Variants in DMD observed in about 807,000 individuals in gnomAD.
DMD encodes the protein mutant dystrophin.
Under a neutral mutation model 330.1 loss-of-function variants are expected in DMD, and 63 were observed. The ratio of observed to expected loss-of-function variants is 0.19; its 90% CI spans 0.16 to 0.24. DMD has a LOEUF of 0.24. Among genes scored for constraint, DMD ranks in the 10% least tolerant of loss-of-function variants. DMD has a pLI of 1.00. For synonymous variants in DMD, 1,223 were observed against 959.8 expected (o/e 1.27, Z -5.07); for missense variants, 3,344 against 2,684.1 (o/e 1.25, Z -5.43).
chrX:32,144,567 C>T (rs141776646), intron 44 of DMD, among the ~76,000 whole-genome samples: 2,176 of 111,189 alleles, frequency 0.02, 28 homozygotes, highest in African/African-American at 0.054. Flanking sequence ...TTATTATGTC[C>T]TGTTAAAATA....
intron 43 of DMD, among the ~76,000 whole-genome samples, chrX:32,255,866 C>G (rs774232099): frequency 7.4e-4 from 83 of 111,734 alleles, no homozygotes; most frequent in African/African-American, 2.7e-3. Context: ...ATGCTTTCTT[C>G]TTTTATTGAA....
chrX:32,862,678 T>A (rs1569536040), intron 2 of DMD, among the ~76,000 whole-genome samples: 1 of 111,807 alleles, frequency 8.9e-6, no homozygotes, highest in Non-Finnish European at 1.9e-5. Context: ...ATGATTACAA[T>A]CCATGATTAT....
At chrX:31,833,325 G>T (rs867844536) in intron 49 of DMD, among the ~76,000 whole-genome samples, 17 of 39,629 alleles carry the variant, frequency 4.3e-4, no homozygotes, top group South Asian at 1.4e-3. Context: ...AGGGAGAGAG[G>T]GAGAGAGGGA....
At position 32,649,422 on chromosome X, in the gene DMD, C is replaced by T. The variant is rs760410578; in HGVS notation, c.961-4270G>A. 4.6e-3 allele frequency among the ~76,000 whole-genome samples: 495 copies of T among 108,476 alleles called. 2 individuals carry two copies. Among genetic ancestry groups the T allele is most frequent in the Non-Finnish European group, 7.4e-3 (388 of 52,370 alleles). 94.2% of individuals were successfully genotyped at this position (108,476 alleles called of 115,157 possible). A position where few individuals can be genotyped will look rare whatever the true frequency, so the allele number is the denominator to read the frequency against. On this transcript the variant is annotated intron_variant, in intron 9 of 78. Transcript: ENST00000357033. ...ACAAAAAATTAGCCGGGCGCGGTGG[C>T]GGCGCCTGTAGTCCCAGTTACTCGG...
intron 51 of DMD, among the ~76,000 whole-genome samples, chrX:31,759,724 A>T (rs1041120481): frequency 8.9e-6 from 1 of 112,000 alleles, no homozygotes; most frequent in Non-Finnish European, 1.9e-5. Context: ...ATGATTTCGT[A>T]GAATGCTGTG....
intron 1 of DMD, among the ~76,000 whole-genome samples, chrX:33,295,363 T>A (rs2053569510): frequency 9.0e-6 from 1 of 110,678 alleles, no homozygotes; most frequent in African/African-American, 3.3e-5. Flanking sequence ...TTGAAGTATT[T>A]ACACCACAGA....
At chrX:32,842,908 G>T (rs2080300592) in intron 4 of DMD, among the ~76,000 whole-genome samples, 2 of 111,372 alleles carry the variant, frequency 1.8e-5, no homozygotes, top group Non-Finnish European at 3.8e-5. Context: ...CTGGGTTCAA[G>T]CAATTCTCCT....
intron 62 of DMD, among the ~76,000 whole-genome samples, chrX:31,265,297 A>C (rs759858688): frequency 8.9e-6 from 1 of 112,043 alleles, no homozygotes; most frequent in East Asian, 2.8e-4. Context: ...CTTGGCTTGC[A>C]TTGCTGGAAT....
At chrX:32,516,389 T>C (rs1225209093) in intron 18 of DMD, among the ~76,000 whole-genome samples, 1 of 111,884 alleles carries the variant, frequency 8.9e-6, no homozygotes, top group Non-Finnish European at 1.9e-5. Context: ...ACTCACAAGG[T>C]ATCAGAAAAC....
rs1016165493 is a variant in DMD, at chrX:31,500,523, G to A, written c.8391-3579C>T. On this transcript the variant is annotated intron_variant, in intron 56 of 78. Coordinates refer to ENST00000357033, the MANE Select transcript of DMD (RefSeq NM_004006.3). ...CATTTTCTTTGACCATGTTAAGCCC[G>A]TGAAATGTTTTCAAGTCACATTTCT... Among the ~76,000 whole-genome samples, 3 of 112,416 alleles carry A rather than the reference G, an allele frequency of 2.7e-5. No homozygotes were observed. In the Admixed American group the frequency reaches 2.8e-4, roughly 11 times the overall value.
chrX:32,802,844 C>T (rs1385069995), intron 7 of DMD, among the ~76,000 whole-genome samples: 1 of 111,607 alleles, frequency 9.0e-6, no homozygotes, highest in African/African-American at 3.3e-5. Flanking sequence ...GGTGGATAAC[C>T]TTTTTGATGT....
intron 29 of DMD, among the ~76,000 whole-genome samples, chrX:32,431,993 G>A (rs900763470): frequency 4.5e-5 from 5 of 111,382 alleles, no homozygotes; most frequent in African/African-American, 1.3e-4. Flanking sequence ...ATGCTAGGAC[G>A]CTCCTAACCT....
intron 73 of DMD, among the ~76,000 whole-genome samples, chrX:31,170,467 T>C (rs182634269): frequency 2.6e-3 from 285 of 110,749 alleles, no homozygotes; most frequent in African/African-American, 8.9e-3. Flanking sequence ...CCTGTTTACC[T>C]CCAAGTTATA....
intron 2 of DMD, among the ~76,000 whole-genome samples, chrX:32,944,024 CCTA>C (rs1204980710): frequency 1.8e-5 from 2 of 111,075 alleles, no homozygotes; most frequent in Non-Finnish European, 3.8e-5. Flanking sequence ...ACCCCCTCAC[CCTA>C]CTAAGTTTCC....
At chrX:32,613,952 T>TC (rs1311278276) in intron 12 of DMD, among the ~76,000 whole-genome samples, 1 of 110,595 alleles carries the variant, frequency 9.0e-6, no homozygotes, top group Non-Finnish European at 1.9e-5. Flanking sequence ...GAGGGCCTTT[T>TC]CACAGAGTTT....
At chrX:32,238,556 T>C (rs779721914) in intron 43 of DMD, among the ~76,000 whole-genome samples, 1 of 110,711 alleles carries the variant, frequency 9.0e-6, no homozygotes, top group East Asian at 2.9e-4. Context: ...CACTTGGAAA[T>C]GACATATCAT....
At chrX:31,747,451 T>C (rs1004612366) in intron 51 of DMD, among the ~76,000 whole-genome samples, 1 of 111,362 alleles carries the variant, frequency 9.0e-6, no homozygotes, top group Non-Finnish European at 1.9e-5. Flanking sequence ...AAGGGACATA[T>C]TCTATGGGGA....
At chrX:32,481,140 T>A (rs908566804) in intron 21 of DMD, among the ~76,000 whole-genome samples, 10 of 110,656 alleles carry the variant, frequency 9.0e-5, no homozygotes, top group African/African-American at 3.0e-4. Flanking sequence ...GAGAGCATCC[T>A]TGCTGGCTAC....
At chrX:31,401,981 T>C (rs1006500620) in intron 60 of DMD, among the ~76,000 whole-genome samples, 2 of 111,605 alleles carry the variant, frequency 1.8e-5, no homozygotes, top group African/African-American at 3.3e-5. Flanking sequence ...GCAATATCTC[T>C]GTAATACAAC....
Sources: gnomAD v4.1 joint callset for allele counts (sites outside exome capture counted in the v4.1 genomes callset) on GRCh38, gnomAD v4.1.1 for gene constraint, MANE v1.5 for transcripts, NCBI Gene and HGNC (gene_info 2026-07-23, HGNC 2026-07-21) for gene names.